MSRA: variants seen among roughly 807,000 people sequenced by gnomAD.
MSRA encodes the protein methionine sulfoxide reductase A.
In MSRA, 54 loss-of-function variants were observed where a neutral mutation model predicts 31.3. That is an observed-to-expected ratio of 1.73 (90% confidence interval 1.39 to 2.17). The LOEUF is 2.17. Ranked by LOEUF, MSRA falls within the 30% of genes most tolerant of loss-of-function variation. The pLI is 0.00. For missense variants in MSRA, 507 were observed against 300.9 expected (o/e 1.69, Z -5.07); for synonymous variants, 169 against 116.5 (o/e 1.45, Z -2.90).
chr8:10,175,321 C>T (rs1805952684), intron 1 of MSRA, among the ~76,000 whole-genome samples: 3 of 152,164 alleles, frequency 2.0e-5, no homozygotes, highest in African/African-American at 7.2e-5. Context: ...GCTCAGTGTT[C>T]CCTTTTTGAA....
At chr8:10,207,708 G>C (rs775608483) in intron 1 of MSRA, 125 bp from the exon 2 acceptor site, 8 of 775,818 alleles carry the variant, frequency 1.0e-5, no homozygotes, top group Non-Finnish European at 1.4e-5. Context: ...GCTCTCTTCA[G>C]AGGGTAAGCT....
Position 10,126,944 on chromosome 8 carries a change from GCTCACCTGCCA to G in MSRA, c.142+72294_142+72304del, listed in dbSNP as rs540543191. ...AGGCGGAGCTCAGGCAGTAGTGCTC[GCTCACCTGCCA>G]CTCACCTCCTGCTGTGCGGCCTGGT... On this transcript the variant is annotated intron_variant, in intron 1 of 5. Transcript: ENST00000317173. Among the ~76,000 whole-genome samples the G allele has an allele frequency of 1.5e-3, 227 of 152,294 alleles. 1 individual carries two copies. The highest frequency in any genetic ancestry group is 5.0e-3 in the African/African-American group (207 of 41,566).
chr8:10,126,353 C>T (rs1801494044), intron 1 of MSRA, among the ~76,000 whole-genome samples: 1 of 152,084 alleles, frequency 6.6e-6, no homozygotes. Flanking sequence ...AAGTAAAAAT[C>T]ACTCCAAAAT....
chr8:10,206,906 C>T (rs963491435), intron 1 of MSRA, among the ~76,000 whole-genome samples: 2 of 152,160 alleles, frequency 1.3e-5, no homozygotes, highest in Non-Finnish European at 2.9e-5. Context: ...TTCCCTAGAC[C>T]CCTCCAAGCG....
intron 5 of MSRA, among the ~76,000 whole-genome samples, chr8:10,365,224 A>T (rs1306080134): frequency 6.6e-6 from 1 of 150,568 alleles, no homozygotes; most frequent in Non-Finnish European, 1.5e-5. Context: ...CTCTGAGCTC[A>T]GAGTACTGTT....
At chr8:10,177,504 A>G (rs1008580594) in intron 1 of MSRA, among the ~76,000 whole-genome samples, 2 of 151,954 alleles carry the variant, frequency 1.3e-5, no homozygotes, top group African/African-American at 4.8e-5. Context: ...GTTGTTATCC[A>G]CCTCTTCTTT....
chr8:10,272,727 A>G (rs1027929258), intron 3 of MSRA, among the ~76,000 whole-genome samples: 12 of 152,180 alleles, frequency 7.9e-5, no homozygotes, highest in South Asian at 2.1e-4. Context: ...TGTCGATACT[A>G]TGTAGATTTA....
intron 5 of MSRA, among the ~76,000 whole-genome samples, chr8:10,415,718 C>T (rs1052089948): frequency 3.3e-5 from 5 of 151,896 alleles, no homozygotes; most frequent in South Asian, 2.1e-4. Context: ...CACTCTCCTC[C>T]GGACCTGTCA....
intron 1 of MSRA, among the ~76,000 whole-genome samples, chr8:10,110,328 G>T (rs1189608009): frequency 6.6e-6 from 1 of 152,136 alleles, no homozygotes; most frequent in Admixed American, 6.5e-5. Context: ...ATATTTTCAA[G>T]AGTGTGGATT....
intron 1 of MSRA, among the ~76,000 whole-genome samples, chr8:10,072,304 CA>C (rs1276959903): frequency 2.9e-4 from 6 of 20,744 alleles, no homozygotes; most frequent in East Asian, 1.4e-3. Context: ...CCTTTCGCAA[CA>C]TTTTTTTTTT....
intron 3 of MSRA, among the ~76,000 whole-genome samples, chr8:10,267,042 G>C (rs1156409309): frequency 6.6e-6 from 1 of 152,118 alleles, no homozygotes; most frequent in Admixed American, 6.5e-5. Flanking sequence ...TTTCTCGAAC[G>C]AACATGGATG....
At chr8:10,343,183 C>G (rs1348492480) in intron 5 of MSRA, among the ~76,000 whole-genome samples, 1 of 152,090 alleles carries the variant, frequency 6.6e-6, no homozygotes, top group African/African-American at 2.4e-5. Flanking sequence ...CTCAATTGTT[C>G]CTTTTCCCAG....
chr8:10,177,409 G>C (rs1033059308), intron 1 of MSRA, among the ~76,000 whole-genome samples: 3 of 152,144 alleles, frequency 2.0e-5, no homozygotes, highest in Admixed American at 1.3e-4. Context: ...TCCTAGAGTC[G>C]ATTGCTTTTT....
intron 1 of MSRA, among the ~76,000 whole-genome samples, chr8:10,165,412 G>A (rs1486592891): frequency 2.0e-5 from 3 of 152,016 alleles, no homozygotes; most frequent in Non-Finnish European, 4.4e-5. Flanking sequence ...CCAAGCTTAG[G>A]CCAGAACAGA....
At chr8:10,243,878 G>A (rs1797469677) in intron 2 of MSRA, among the ~76,000 whole-genome samples, 1 of 151,920 alleles carries the variant, frequency 6.6e-6, no homozygotes, top group South Asian at 2.1e-4. Flanking sequence ...ATTTTTTACT[G>A]CATTAAATTT....
At chr8:10,067,966 C>G (rs1392943052) in intron 1 of MSRA, among the ~76,000 whole-genome samples, 1 of 146,746 alleles carries the variant, frequency 6.8e-6, no homozygotes, top group African/African-American at 2.5e-5. Context: ...TCACCACAAC[C>G]TCTGCCTCCC....
intron 3 of MSRA, among the ~76,000 whole-genome samples, chr8:10,278,139 G>A (rs1350594397): frequency 6.6e-6 from 1 of 152,142 alleles, no homozygotes; most frequent in Admixed American, 6.6e-5. Context: ...GAAATGATTT[G>A]TGGTGGTTCT....
chr8:10,109,172 T>A (rs1800101718), intron 1 of MSRA, among the ~76,000 whole-genome samples: 1 of 152,190 alleles, frequency 6.6e-6, no homozygotes, highest in South Asian at 2.1e-4. Context: ...ATATAGTGCC[T>A]GCCTTTAAAA....
At chr8:10,200,521 C>T (rs1374728849) in intron 1 of MSRA, among the ~76,000 whole-genome samples, 1 of 152,172 alleles carries the variant, frequency 6.6e-6, no homozygotes, top group African/African-American at 2.4e-5. Context: ...TGCTCCTCAT[C>T]ACGGGTCCCA....
Sources: gnomAD v4.1 joint callset for allele counts (sites outside exome capture counted in the v4.1 genomes callset) on GRCh38, gnomAD v4.1.1 for gene constraint, MANE v1.5 for transcripts, NCBI Gene and HGNC (gene_info 2026-07-23, HGNC 2026-07-21) for gene names.